FCHO2: variants seen among roughly 807,000 people sequenced by gnomAD.
The protein encoded by FCHO2 is F-BAR domain only protein 2.
In FCHO2, 43 loss-of-function variants were observed where a neutral mutation model predicts 114.1. The ratio of observed to expected loss-of-function variants is 0.38; its 90% CI spans 0.30 to 0.49. FCHO2 has a LOEUF of 0.49. Ranked by LOEUF, FCHO2 falls within the 20% of genes least tolerant of loss-of-function variation. The probability of loss-of-function intolerance (pLI) is 0.97; values close to 1 mark genes in which losing one functional copy is unlikely to be tolerated. For synonymous variants in FCHO2, 293 were observed against 315.2 expected (o/e 0.93, Z 0.75); for missense variants, 807 against 950.4 (o/e 0.85, Z 1.98).
At chr5:73,059,712 C>G (rs1422715387) in intron 17 of FCHO2, among the ~76,000 whole-genome samples, 2 of 152,038 alleles carry the variant, frequency 1.3e-5, no homozygotes, top group Admixed American at 6.6e-5. Flanking sequence ...ACTTGTAAAA[C>G]AGCAAGAAAC....
intron 11 of FCHO2, among the ~76,000 whole-genome samples, chr5:73,041,731 A>G (rs1024882730): frequency 6.6e-6 from 1 of 152,112 alleles, no homozygotes; most frequent in Non-Finnish European, 1.5e-5. Flanking sequence ...AACAGCAACA[A>G]GAACCATGGT....
At chr5:73,022,910 C>T (rs1464743953) in intron 8 of FCHO2, among the ~76,000 whole-genome samples, 1 of 152,160 alleles carries the variant, frequency 6.6e-6, no homozygotes, top group Non-Finnish European at 1.5e-5. Flanking sequence ...AAGACATCAA[C>T]AGTCCAAGCC....
At chr5:73,017,119 A>T in intron 7 of FCHO2, 93 bp from the exon 8 acceptor site, 1 of 723,238 alleles carries the variant, frequency 1.4e-6, no homozygotes, top group Non-Finnish European at 2.1e-6. Flanking sequence ...ACATATTTTG[A>T]TATAATTAAT....
At chr5:73,070,309 T>G (rs1375024268) in intron 19 of FCHO2, among the ~76,000 whole-genome samples, 1 of 152,166 alleles carries the variant, frequency 6.6e-6, no homozygotes, top group Non-Finnish European at 1.5e-5. Context: ...TAAAATGGCT[T>G]GATTTCTAAA....
intron 2 of FCHO2, among the ~76,000 whole-genome samples, chr5:72,971,148 C>T (rs1752528303): frequency 6.6e-6 from 1 of 152,076 alleles, no homozygotes; most frequent in Admixed American, 6.6e-5. Context: ...GTGAATAATG[C>T]CGCAATAAAC....
intron 8 of FCHO2, among the ~76,000 whole-genome samples, chr5:73,032,339 A>G (rs1756280150): frequency 6.6e-6 from 1 of 152,158 alleles, no homozygotes; most frequent in Non-Finnish European, 1.5e-5. Context: ...TTTTTAATAT[A>G]TATTTTTTGA....
At chr5:73,001,879 C>T (rs1754462850) in intron 5 of FCHO2, among the ~76,000 whole-genome samples, 1 of 150,226 alleles carries the variant, frequency 6.7e-6, no homozygotes, top group Non-Finnish European at 1.5e-5. Flanking sequence ...ACACTCTAGC[C>T]TGGGTGACAG....
chr5:73,068,666 C>T lies in FCHO2; in HGVS notation c.1466C>T (p.Pro489Leu), dbSNP rs749515472. The change falls in exon 19 of 26, where the codon CCA becomes CTA. Residue 489 changes from proline (P) to leucine (L), a missense_variant. Physicochemically the swap from Pro to Leu is moderately conservative, Grantham distance 98. Coordinates refer to ENST00000430046, the MANE Select transcript of FCHO2 (RefSeq NM_138782.3). ...GINEIPRPFSPPVTSNTSPPP... is the reference protein window; with the variant it reads ...GINEIPRPFSLPVTSNTSPPP... ...GTTTTTAAGCCCAGGCCATTCAGCC[C>T]ACCTGTAACTTCCAACACCAGCCCA... The T allele has an allele frequency of 6.2e-7, 1 of 1,611,048 alleles. No homozygotes were observed. Among genetic ancestry groups the T allele is most frequent in the African/African-American group, 1.3e-5 (1 of 74,788 alleles).
At chr5:72,966,194 A>C (rs1042889293) in intron 1 of FCHO2, among the ~76,000 whole-genome samples, 4 of 152,230 alleles carry the variant, frequency 2.6e-5, no homozygotes, top group Admixed American at 6.5e-5. Context: ...CTTGAGCAAC[A>C]TAGCGAGACC....
intron 8 of FCHO2, among the ~76,000 whole-genome samples, chr5:73,033,454 T>C (rs1756338534): frequency 6.6e-6 from 1 of 152,128 alleles, no homozygotes; most frequent in Admixed American, 6.5e-5. Context: ...AAATCTTTCT[T>C]GTTAATCAAT....
rs867161849 is a variant in FCHO2, at chr5:73,019,752, C to T, written c.796+2444C>T. Among the ~76,000 whole-genome samples, 16 of 152,138 alleles carry T rather than the reference C, an allele frequency of 1.1e-4. 1 individual carries two copies. In the South Asian group the frequency reaches 2.5e-3, roughly 24 times the overall value. ...GGTGTCCAGCTGCCTTGATAAAAAG[C>T]CATGAAAAAGTCCCCAGGCATATTG... On this transcript the variant is annotated intron_variant, in intron 8 of 25. Coordinates refer to ENST00000430046, the MANE Select transcript of FCHO2 (RefSeq NM_138782.3).
intron 1 of FCHO2, among the ~76,000 whole-genome samples, chr5:72,963,908 T>G (rs1274763709): frequency 1.4e-5 from 2 of 139,346 alleles, no homozygotes; most frequent in East Asian, 2.0e-4. Context: ...TTCAGTTTTT[T>G]TTTTTTTTTT....
At chr5:73,021,365 T>A in intron 8 of FCHO2, 1 of 353,710 alleles carries the variant, frequency 2.8e-6, no homozygotes, top group Non-Finnish European at 5.4e-6. Context: ...AGGATAGGGG[T>A]CAAGAAGGGA....
At chr5:73,058,391 AT>A in intron 16 of FCHO2, 41 bp from the exon 17 acceptor site, 1 of 1,364,588 alleles carries the variant, frequency 7.3e-7, no homozygotes, top group Non-Finnish European at 1.0e-6. Context: ...TACTAATAAA[AT>A]ATTCTCGTTA....
chr5:73,051,464 A>C (rs1185838879), intron 12 of FCHO2, 58 bp downstream of exon 12: 4 of 1,149,990 alleles, frequency 3.5e-6, no homozygotes, highest in Non-Finnish European at 4.9e-6. Context: ...GTAGGCAGTT[A>C]TAAGAAAATC....
intron 6 of FCHO2, among the ~76,000 whole-genome samples, chr5:73,008,842 G>A (rs1336480599): frequency 6.6e-6 from 1 of 152,180 alleles, no homozygotes; most frequent in Non-Finnish European, 1.5e-5. Context: ...TATTATGAAT[G>A]AGGTATATGG....
intron 2 of FCHO2, among the ~76,000 whole-genome samples, chr5:72,972,826 T>C (rs908962171): frequency 3.9e-5 from 6 of 152,126 alleles, no homozygotes; most frequent in African/African-American, 7.2e-5. Flanking sequence ...CAGTATGATA[T>C]TGGCTGTGGG....
In FCHO2 at chr5:73,052,372, C is replaced by T. The variant is rs1441344220; in HGVS notation, c.1038C>T (p.Asp346=). Residue 346 remains aspartate, a synonymous_variant, in exon 13 of 26, where the codon GAC becomes GAT. Coordinates refer to ENST00000430046, the MANE Select transcript of FCHO2 (RefSeq NM_138782.3). Reference sequence around the variant, plus strand: ...ATTTCTACTCATCTAGTGATTCTGACTCCGAAGATGAAGAACCAAAGAAGT... The same window carrying T: ...ATTTCTACTCATCTAGTGATTCTGATTCCGAAGATGAAGAACCAAAGAAGT... ...ENHFYSSSDS[D]SEDEEPKKYR... 1.2e-6 allele frequency: 2 copies of T among 1,608,832 alleles called. No individual in the cohort carries two copies. Among genetic ancestry groups the T allele is most frequent in the Admixed American group, 1.7e-5 (1 of 59,374 alleles).
At position 73,088,742 on chromosome 5, in the gene FCHO2, C is replaced by CAG; in HGVS notation, c.*656_*657dup. The CAG allele has an allele frequency of 6.5e-6, 1 of 152,676 alleles. No individual in the cohort carries two copies. The highest frequency in any genetic ancestry group is 1.5e-5 in the Non-Finnish European group (1 of 68,016). The allele number at this position is 152,676 out of a possible 1,614,324, so 9.5% of individuals were successfully genotyped here. A position where few individuals can be genotyped will look rare whatever the true frequency, so the allele number is the denominator to read the frequency against. ...TTTAAAATAAGCTTGCAAATGACAGCAGAGACATTTACTTCTGCAGTTAGT... is the reference window on the plus strand; with the variant it reads ...TTTAAAATAAGCTTGCAAATGACAGCAGAGAGACATTTACTTCTGCAGTTAGT... On this transcript the variant is annotated 3_prime_UTR_variant, in exon 26 of 26. Coordinates refer to ENST00000430046, the MANE Select transcript of FCHO2 (RefSeq NM_138782.3).
Sources: allele counts gnomAD v4.1 joint callset (sites outside exome capture counted in the v4.1 genomes callset), GRCh38; gene constraint gnomAD v4.1.1; transcripts MANE v1.5; gene names NCBI Gene and HGNC (gene_info 2026-07-23, HGNC 2026-07-21).